Variants in LAMA5 observed in about 807,000 individuals in gnomAD.
The protein encoded by LAMA5 is laminin subunit alpha-5.
Under a neutral mutation model 433.4 loss-of-function variants are expected in LAMA5, and 260 were observed. The observed-to-expected ratio is 0.60, with a 90% CI of 0.54 to 0.66. LAMA5 has a LOEUF of 0.66. LAMA5 is among the 30% of genes least tolerant of loss of function. The probability of loss-of-function intolerance (pLI) is 0.00; values close to 1 mark genes in which losing one functional copy is unlikely to be tolerated. For missense variants in LAMA5, 5,378 were observed against 5,258.5 expected, an observed-to-expected ratio of 1.02 and a Z score of -0.70; for synonymous variants, 2,620 against 2,226.6, an observed-to-expected ratio of 1.18 and a Z score of -4.97.
In LAMA5 at chr20:62,327,023, C is replaced by T; in HGVS notation, c.5113-57G>A. 3 of 1,330,954 alleles carry T rather than the reference C, an allele frequency of 2.3e-6. No homozygotes were observed. In the South Asian group the frequency reaches 3.9e-5, roughly 17 times the overall value. 82.4% of individuals were successfully genotyped at this position (1,330,954 alleles called of 1,614,324 possible). On this transcript the variant is annotated intron_variant, in intron 38 of 79. Coordinates refer to ENST00000252999, the MANE Select transcript of LAMA5 (RefSeq NM_005560.6). ...CAGACTCTGGCCACAGGCTCAGAGC[C>T]CGTCAGCAGTGGTCTGGGCACCCCC... is the stretch of plus-strand genomic sequence containing the variant.
chr20:62,311,345 C>A, intron 72 of LAMA5, 38 bp from the exon 73 acceptor site: 1 of 1,522,046 alleles, frequency 6.6e-7, no homozygotes, highest in Non-Finnish European at 8.8e-7. Flanking sequence ...GCCGCCCACA[C>A]AGGGGCCACC....
rs150692106 is a variant in LAMA5, at chr20:62,333,426, C to A, written c.3077G>T (p.Arg1026Leu). The A allele has an allele frequency of 2.5e-6, 4 of 1,612,750 alleles. No homozygotes were observed. In the South Asian group the frequency reaches 3.3e-5, roughly 13 times the overall value. The change falls in exon 25 of 80, where the codon CGG becomes CTG. Residue 1026 changes from arginine (R) to leucine (L), a missense_variant. Physicochemically the swap from Arg to Leu is moderately radical, Grantham distance 102. Coordinates refer to ENST00000252999, the MANE Select transcript of LAMA5 (RefSeq NM_005560.6). ...ACGGTATGTGCAGGCCTCAGTCACC[C>A]GCAGCTGCAGGAGCGCCGCCTCGTA... Reference protein sequence around the residue: ...AYYEAALLQLRVTEACTYRPS... With the variant: ...AYYEAALLQLLVTEACTYRPS...
intron 48 of LAMA5, 63 bp from the exon 49 acceptor site, chr20:62,320,953 TG>T (rs1019536197): frequency 2.0e-6 from 3 of 1,521,312 alleles, no homozygotes; most frequent in Non-Finnish European, 2.7e-6. Context: ...AATGATCAGC[TG>T]GGGCCCTGGG....
At chr20:62,366,507 C>G (rs1237208283) in intron 1 of LAMA5, among the ~76,000 whole-genome samples, 2 of 152,224 alleles carry the variant, frequency 1.3e-5, no homozygotes, top group Non-Finnish European at 2.9e-5. Flanking sequence ...CTAGTGGGAG[C>G]CTCAGGTGGC....
chr20:62,335,169 C>G, intron 19 of LAMA5, 43 bp from the exon 20 acceptor site: 1 of 1,612,474 alleles, frequency 6.2e-7, no homozygotes, highest in Non-Finnish European at 8.5e-7. Flanking sequence ...GGGGAGGGTC[C>G]TGACCAGTGT....
At chr20:62,362,990 G>C (rs1339936615) in intron 1 of LAMA5, among the ~76,000 whole-genome samples, 1 of 152,116 alleles carries the variant, frequency 6.6e-6, no homozygotes, top group African/African-American at 2.4e-5. Flanking sequence ...AGCAAGAAGG[G>C]GCAGGAGTAA....
At chr20:62,362,683 T>A in intron 1 of LAMA5, 131 bp from the exon 2 acceptor site, 1 of 740,050 alleles carries the variant, frequency 1.4e-6, no homozygotes, top group Non-Finnish European at 2.0e-6. Context: ...TCTGCGCCCC[T>A]CATCCACTTG....
Position 62,320,415 on chromosome 20 carries a change from CA to C in LAMA5, c.6759+143del, listed in dbSNP as rs1246298269. 9 of 590,556 alleles carry C rather than the reference CA, an allele frequency of 1.5e-5. No individual in the cohort carries two copies. The East Asian group carries it at 2.7e-4, about 18-fold the overall frequency. 36.6% of individuals were successfully genotyped at this position (590,556 alleles called of 1,614,324 possible). A position where few individuals can be genotyped will look rare whatever the true frequency, so the allele number is the denominator to read the frequency against. ...TTAGATAGTAATTCAGTGACTTGGT[CA>C]ACCCCTAAGACTCTCGAGCTCCTGT... is the stretch of plus-strand genomic sequence containing the variant. On this transcript the variant is annotated intron_variant, in intron 50 of 79. Transcript: ENST00000252999.
intron 18 of LAMA5, among the ~76,000 whole-genome samples, 160 bp downstream of exon 18, chr20:62,336,180 C>T (rs1981590167): frequency 1.3e-5 from 2 of 148,514 alleles, no homozygotes; most frequent in South Asian, 2.2e-4. Flanking sequence ...CTCATGGGTA[C>T]AATCCCCGAG....
chr20:62,354,625 CA>C (rs1194225137), intron 2 of LAMA5, among the ~76,000 whole-genome samples: 2 of 152,038 alleles, frequency 1.3e-5, no homozygotes, highest in East Asian at 1.9e-4. Flanking sequence ...CACCCAGGAG[CA>C]GGGGGGGTCC....
chr20:62,329,700 C>T lies in LAMA5; in HGVS notation c.4119+77G>A. 5.1e-6 allele frequency: 8 copies of T among 1,554,446 alleles called. No individual in the cohort carries two copies. In the South Asian group the frequency reaches 9.4e-5, roughly 18 times the overall value. On this transcript the variant is annotated intron_variant, in intron 32 of 79. Coordinates refer to ENST00000252999, the MANE Select transcript of LAMA5 (RefSeq NM_005560.6). ...TCAGCAGGCCCAGAAGAGACAGACC[C>T]AGCCCAAGTGTACCACAGTGGTAAT...
intron 2 of LAMA5, among the ~76,000 whole-genome samples, chr20:62,360,516 T>G (rs868812661): frequency 0.036 from 3 of 84 alleles, no homozygotes; most frequent in South Asian, 0.5. Context: ...GATAGATGGG[T>G]GGGTGGGTGG....
chr20:62,360,889 GGGT>G (rs1986053053), intron 2 of LAMA5, among the ~76,000 whole-genome samples: 1 of 152,112 alleles, frequency 6.6e-6, no homozygotes, highest in African/African-American at 2.4e-5. Flanking sequence ...CAGAGCCAAG[GGGT>G]GGTGGAGCCC....
In LAMA5 at chr20:62,326,955, G is replaced by A. The variant is rs45540543; in HGVS notation, c.5124C>T (p.Tyr1708=). Residue 1708 remains tyrosine (Y), a synonymous_variant, in exon 39 of 80, where the codon TAC becomes TAT. Transcript: ENST00000252999. ...GCAGTTCATAACGGAGGGTCCCACC[G>A]TAGGATGACACCTGGAGGCAGGACA... The part of the protein sequence containing the change: ...PSYLGDRVSS[Y]GGTLRYELHS... 7,973 of 1,606,532 alleles carry A rather than the reference G, an allele frequency of 5.0e-3. 36 individuals are homozygous for A. The highest frequency in any genetic ancestry group is 0.011 in the South Asian group (1,012 of 90,588).
At chr20:62,336,154 T>C (rs1281600325) in intron 18 of LAMA5, among the ~76,000 whole-genome samples, 186 bp downstream of exon 18, 53 of 115,226 alleles carry the variant, frequency 4.6e-4, no homozygotes, top group African/African-American at 1.6e-3. Context: ...CACCCCAACA[T>C]TCCCTTCAGG....
At chr20:62,314,975 GC>G (rs1568900959) in intron 59 of LAMA5, 28 bp from the exon 60 acceptor site, 2 of 1,578,998 alleles carry the variant, frequency 1.3e-6, no homozygotes, top group Non-Finnish European at 8.6e-7. Flanking sequence ...TGAGACCTTT[GC>G]CCCCCACCGT....
Position 62,331,208 on chromosome 20 carries a change from G to GCAGGTGGTACGATGGGGGGGGTA in LAMA5, c.3553-80_3553-79insTACCCCCCCCATCGTACCACCTG. The stretch of plus-strand genomic sequence containing the variant: ...GGTGCAGGCGGTACGATGGGGGGGT[G>GCAGGTGGTACGATGGGGGGGGTA]CAGGCGGTACGATGGGGGGGTGCAG... On this transcript the variant is annotated intron_variant, in intron 28 of 79. Transcript: ENST00000252999. 2 of 288,776 alleles carry GCAGGTGGTACGATGGGGGGGGTA rather than the reference G, an allele frequency of 6.9e-6. 1 individual carries two copies. Among genetic ancestry groups the GCAGGTGGTACGATGGGGGGGGTA allele is most frequent in the Non-Finnish European group, 1.1e-5 (2 of 174,068 alleles). 17.9% of individuals were successfully genotyped at this position (288,776 alleles called of 1,614,324 possible).
chr20:62,349,993 G>A (rs1209942034), intron 6 of LAMA5, among the ~76,000 whole-genome samples: 2 of 151,572 alleles, frequency 1.3e-5, no homozygotes, highest in East Asian at 1.9e-4. Flanking sequence ...GGAGAACATG[G>A]GCAGGCTAAT....
chr20:62,310,341 A>C (rs1568887264), intron 76 of LAMA5, 30 bp from the exon 77 acceptor site: 2 of 1,577,620 alleles, frequency 1.3e-6, no homozygotes, highest in Admixed American at 3.5e-5. Flanking sequence ...TGGAGAAGAA[A>C]GGGGGGGCCC....
Sources: allele counts gnomAD v4.1 joint callset (sites outside exome capture counted in the v4.1 genomes callset), GRCh38; gene constraint gnomAD v4.1.1; transcripts MANE v1.5; gene names NCBI Gene and HGNC (gene_info 2026-07-23, HGNC 2026-07-21).